ZDHHC20: variants seen among roughly 807,000 people sequenced by gnomAD.
ZDHHC20 encodes palmitoyltransferase ZDHHC20.
Under a neutral mutation model 57.8 loss-of-function variants are expected in ZDHHC20, and 43 were observed. The observed-to-expected ratio is 0.74, with a 90% CI of 0.58 to 0.96. The LOEUF is 0.96. ZDHHC20 is among the 40% of genes least tolerant of loss of function. The pLI, the probability that ZDHHC20 is intolerant of heterozygous loss-of-function variation, is 0.00. For missense variants in ZDHHC20, 391 were observed against 441.1 expected (o/e 0.89, Z 1.02); for synonymous variants, 157 against 153.0 (o/e 1.03, Z -0.19).
At chr13:21,414,190 C>T (rs889695270) in intron 3 of ZDHHC20, among the ~76,000 whole-genome samples, 6 of 149,420 alleles carry the variant, frequency 4.0e-5, no homozygotes, top group Admixed American at 4.0e-4. Flanking sequence ...TGGGGTCCCG[C>T]TAATTTCTAG....
chr13:21,408,902 G>A (rs2137836130), intron 4 of ZDHHC20, among the ~76,000 whole-genome samples: 1 of 152,294 alleles, frequency 6.6e-6, no homozygotes, highest in East Asian at 1.9e-4. Flanking sequence ...CGATGTGATG[G>A]ATTACATTTA....
chr13:21,381,206 C>T (rs576612394), intron 11 of ZDHHC20, among the ~76,000 whole-genome samples: 1 of 152,190 alleles, frequency 6.6e-6, no homozygotes, highest in Admixed American at 6.5e-5. Flanking sequence ...CGGGGTTTCA[C>T]CGTGTTAGCC....
At chr13:21,445,441 A>G (rs1231500957) in intron 1 of ZDHHC20, among the ~76,000 whole-genome samples, 1 of 152,198 alleles carries the variant, frequency 6.6e-6, no homozygotes, top group Non-Finnish European at 1.5e-5. Context: ...GCCTCAGACT[A>G]TATGTCAGAC....
intron 9 of ZDHHC20, among the ~76,000 whole-genome samples, chr13:21,386,891 T>A (rs1874621215): frequency 6.6e-6 from 1 of 152,096 alleles, no homozygotes; most frequent in South Asian, 2.1e-4. Flanking sequence ...CTTTAAAAAA[T>A]GAAAGCAAAT....
intron 5 of ZDHHC20, among the ~76,000 whole-genome samples, 185 bp downstream of exon 5, chr13:21,402,612 T>C (rs760311318): frequency 4.8e-4 from 73 of 152,236 alleles, no homozygotes; most frequent in Non-Finnish European, 8.5e-4. Flanking sequence ...TTATCAAAGA[T>C]ACAACTTGTG....
rs1263481401 is a variant in ZDHHC20, at chr13:21,448,778, C to T, written c.118+10276G>A. On this transcript the variant is annotated intron_variant, in intron 1 of 12. Transcript: ENST00000400590. Reference sequence around the variant, plus strand: ...ATGGTGGCTTTGTGGAATAGAAAGGCGGGAAAGGTGGGGAAAAGATTGAGA... The same window carrying T: ...ATGGTGGCTTTGTGGAATAGAAAGGTGGGAAAGGTGGGGAAAAGATTGAGA... Among the ~76,000 whole-genome samples the T allele has an allele frequency of 2.1e-5, 2 of 93,240 alleles. 1 individual carries two copies. The highest frequency in any genetic ancestry group is 6.7e-5 in the African/African-American group (2 of 29,772). 61.2% of individuals were successfully genotyped at this position (93,240 alleles called of 152,430 possible).
intron 1 of ZDHHC20, among the ~76,000 whole-genome samples, chr13:21,448,614 C>T (rs1244160278): frequency 1.0e-5 from 1 of 96,428 alleles, no homozygotes; most frequent in Non-Finnish European, 2.7e-5. Context: ...GCCCCCTGCC[C>T]GGCCGGCCGC....
In ZDHHC20 at chr13:21,394,613, GAATT is replaced by G. The variant is rs539859321; in HGVS notation, c.595-2763_595-2760del. ...ACGTTTACAAGTCTTTTTTTACTCAGAATTAATCCAAAAAAGTTATTCATTCTTT... is the reference window on the plus strand; with the variant it reads ...ACGTTTACAAGTCTTTTTTTACTCAGAATCCAAAAAAGTTATTCATTCTTT... On this transcript the variant is annotated intron_variant, in intron 7 of 12. Transcript: ENST00000400590. 2.8e-3 allele frequency among the ~76,000 whole-genome samples: 431 copies of G among 152,168 alleles called. 2 individuals carry two copies. Among genetic ancestry groups the G allele is most frequent in the African/African-American group, 0.01 (417 of 41,528 alleles).
At chr13:21,439,424 C>A (rs1320505042) in intron 1 of ZDHHC20, among the ~76,000 whole-genome samples, 2 of 152,062 alleles carry the variant, frequency 1.3e-5, no homozygotes, top group Non-Finnish European at 2.9e-5. Flanking sequence ...TGCCTGAGCC[C>A]AGGAGGTCTA....
intron 1 of ZDHHC20, among the ~76,000 whole-genome samples, chr13:21,449,344 G>C (rs1884214770): frequency 2.0e-5 from 3 of 152,222 alleles, no homozygotes; most frequent in African/African-American, 7.2e-5. Flanking sequence ...GCAGTCATCA[G>C]GCAGCTCGAA....
At chr13:21,377,248 C>A (rs1334050365) in intron 12 of ZDHHC20, 3 of 135,450 alleles carry the variant, frequency 2.2e-5, no homozygotes, top group African/African-American at 9.6e-5. Flanking sequence ...CCCGACATGA[C>A]CTCCACCCCT....
chr13:21,424,393 TAAC>T (rs1355131984), intron 2 of ZDHHC20, among the ~76,000 whole-genome samples: 1 of 151,966 alleles, frequency 6.6e-6, no homozygotes, highest in Non-Finnish European at 1.5e-5. Flanking sequence ...ACAAACAAGC[TAAC>T]AACAACAAAA....
At chr13:21,449,868 G>A (rs573322786) in intron 1 of ZDHHC20, among the ~76,000 whole-genome samples, 1 of 152,162 alleles carries the variant, frequency 6.6e-6, no homozygotes, top group Non-Finnish European at 1.5e-5. Context: ...CTGACCTCAG[G>A]TGATCTGCCC....
chr13:21,438,657 A>C (rs1270603846), intron 1 of ZDHHC20, among the ~76,000 whole-genome samples: 1 of 152,258 alleles, frequency 6.6e-6, no homozygotes, highest in African/African-American at 2.4e-5. Flanking sequence ...ATATTACATA[A>C]ACTTAGTTGA....
intron 1 of ZDHHC20, among the ~76,000 whole-genome samples, chr13:21,455,631 G>GTGGT (rs1349532792): frequency 9.4e-6 from 1 of 105,840 alleles, no homozygotes; most frequent in Non-Finnish European, 2.0e-5. Context: ...TCCCAGTGAA[G>GTGGT]TGGTGTGTGT....
intron 10 of ZDHHC20, 54 bp from the exon 11 acceptor site, chr13:21,381,603 C>T: frequency 8.2e-7 from 1 of 1,215,506 alleles, no homozygotes; most frequent in Non-Finnish European, 1.2e-6. Flanking sequence ...ACTATGGATA[C>T]TTAATAAATT....
intron 10 of ZDHHC20, chr13:21,381,902 T>C (rs1873492192): frequency 3.7e-6 from 2 of 540,378 alleles, no homozygotes; most frequent in South Asian, 1.4e-5. Flanking sequence ...AACAATTACC[T>C]GTCATTTGCC....
At chr13:21,396,314 T>A (rs540628931) in intron 7 of ZDHHC20, among the ~76,000 whole-genome samples, 1 of 151,850 alleles carries the variant, frequency 6.6e-6, no homozygotes, top group South Asian at 2.1e-4. Context: ...TTAGAAAGAG[T>A]AGATGTAAAA....
Position 21,413,770 on chromosome 13 carries a change from G to A in ZDHHC20, c.252C>T (p.Phe84=), listed in dbSNP as rs1340644990. 6.2e-7 allele frequency: 1 copy of A among 1,606,092 alleles called. No homozygotes were observed. The highest frequency in any genetic ancestry group is 1.7e-5 in the Admixed American group (1 of 58,922). Reference sequence around the variant, plus strand: ...GTTCCTTTTCAGAATTGGACAAGTAGAACTATAAAAGGAAAGAGGACTATT... The same window carrying A: ...GTTCCTTTTCAGAATTGGACAAGTAAAACTATAAAAGGAAAGAGGACTATT... The part of the protein sequence containing the change: ...FTSPASPSKE[F]YLSNSEKERY... Residue 84 remains phenylalanine, a splice_region_variant and synonymous_variant, in exon 4 of 13, where the codon TTC becomes TTT. Coordinates refer to ENST00000400590, the MANE Select transcript of ZDHHC20 (RefSeq NM_001330059.2).
Sources: allele counts gnomAD v4.1 joint callset (sites outside exome capture counted in the v4.1 genomes callset), GRCh38; gene constraint gnomAD v4.1.1; transcripts MANE v1.5; gene names NCBI Gene and HGNC (gene_info 2026-07-23, HGNC 2026-07-21).